GET1: variants seen among roughly 807,000 people sequenced by gnomAD.
GET1 encodes congenital heart disease 5 protein.
A neutral mutation model predicts 22.6 loss-of-function variants in GET1; 20 were observed. That is an observed-to-expected ratio of 0.89 (90% CI 0.62 to 1.29). The LOEUF is 1.29. GET1 is among the 50% of genes most tolerant of loss of function. The pLI is 0.00. For missense variants in GET1, 209 were observed against 219.9 expected, an observed-to-expected ratio of 0.95 and a Z score of 0.31; for synonymous variants, 92 against 83.8, an observed-to-expected ratio of 1.10 and a Z score of -0.53.
At chr21:39,386,956 C>T (rs1274535824) in intron 1 of GET1, among the ~76,000 whole-genome samples, 2 of 152,048 alleles carry the variant, frequency 1.3e-5, no homozygotes, top group Admixed American at 6.6e-5. Flanking sequence ...GTGATCCCTC[C>T]CTCCCCGCCT....
At chr21:39,399,817 A>C (rs184615340), downstream of GET1, among the ~76,000 whole-genome samples, 47 of 152,304 alleles carry the variant, frequency 3.1e-4, no homozygotes, top group African/African-American at 1.1e-3. Flanking sequence ...GATTTAAAAT[A>C]CATCTAAAGC....
intron 1 of GET1, among the ~76,000 whole-genome samples, chr21:39,381,195 GA>G (rs766641767): frequency 6.6e-6 from 1 of 152,128 alleles, no homozygotes; most frequent in Non-Finnish European, 1.5e-5. Context: ...CAGGGATAGG[GA>G]TTTGGTGGCA....
rs1406664742 is a variant in GET1, at chr21:39,414,738, CTCTCTGTGTG to C, written c.*23+3803_*23+3812del. Reference sequence around the variant, plus strand: ...CCTCTCTCTCTCTCTCTCTCTCTCTCTCTCTGTGTGTGTGTGTGTGTGTGTGTGTGTGTGT... The same window carrying C: ...CCTCTCTCTCTCTCTCTCTCTCTCTCTGTGTGTGTGTGTGTGTGTGTGTGT... On this transcript the variant is annotated intron_variant, in intron 1 of 1. Coordinates refer to the GET1 transcript ENST00000478273. 2.0e-3 allele frequency among the ~76,000 whole-genome samples: 211 copies of C among 107,374 alleles called. 1 individual carries two copies. The highest frequency in any genetic ancestry group is 0.016 in the Middle Eastern group (3 of 192). The allele number at this position is 107,374 out of a possible 152,430, so 70.4% of individuals were successfully genotyped here.
chr21:39,404,982 C>T (rs2038966649), intron 4 of GET1, among the ~76,000 whole-genome samples: 4 of 151,736 alleles, frequency 2.6e-5, no homozygotes, highest in African/African-American at 9.7e-5. Context: ...CAGGCATGTG[C>T]CACCACACCC....
At chr21:39,402,593 A>G (rs1227732262), downstream of GET1, among the ~76,000 whole-genome samples, 1 of 152,156 alleles carries the variant, frequency 6.6e-6, no homozygotes, top group Non-Finnish European at 1.5e-5. Context: ...TTGCTTACTT[A>G]TCTCCTTGGG....
At chr21:39,403,055 ATCC>A (rs1475482324) in intron 4 of GET1, among the ~76,000 whole-genome samples, 3 of 152,164 alleles carry the variant, frequency 2.0e-5, no homozygotes, top group Admixed American at 2.0e-4. Flanking sequence ...CCCTTGGAAA[ATCC>A]TCTGTCTGCT....
At chr21:39,417,501 G>A (rs1170451511) in intron 1 of GET1, among the ~76,000 whole-genome samples, 1 of 152,012 alleles carries the variant, frequency 6.6e-6, no homozygotes. Flanking sequence ...TTTAAATGTA[G>A]GCAAATAGAT....
intron 1 of GET1, chr21:39,420,862 A>G (rs757178754): frequency 6.3e-7 from 1 of 1,578,258 alleles, no homozygotes; most frequent in Non-Finnish European, 8.7e-7. Context: ...AGTATATATT[A>G]TAACTATTCT....
chr21:39,392,583 G>A (rs2038376464), intron 3 of GET1, among the ~76,000 whole-genome samples: 1 of 152,184 alleles, frequency 6.6e-6, no homozygotes, highest in South Asian at 2.1e-4. Flanking sequence ...GCCTGTTCAA[G>A]CCAGGAAGGG....
intron 1 of GET1, chr21:39,411,733 CTG>C: frequency 1.3e-6 from 2 of 1,534,814 alleles, no homozygotes; most frequent in Non-Finnish European, 1.8e-6. Context: ...GGATAGTCCT[CTG>C]TGTCATGTAA....
intron 4 of GET1, among the ~76,000 whole-genome samples, chr21:39,405,600 TC>T (rs2147046012): frequency 6.6e-6 from 1 of 152,078 alleles, no homozygotes; most frequent in East Asian, 1.9e-4. Context: ...AGCTATGGAG[TC>T]CCACAGAATA....
intron 1 of GET1, among the ~76,000 whole-genome samples, chr21:39,420,068 G>T (rs548423799): frequency 1.3e-5 from 2 of 152,120 alleles, no homozygotes; most frequent in Non-Finnish European, 2.9e-5. Context: ...TTAACGTGAT[G>T]AAATAGGAAT....
At chr21:39,392,720 T>C (rs1206143854) in intron 3 of GET1, among the ~76,000 whole-genome samples, 1 of 152,198 alleles carries the variant, frequency 6.6e-6, no homozygotes, top group African/African-American at 2.4e-5. Flanking sequence ...GAGAATTCAC[T>C]ATTTTTTCCA....
chr21:39,405,416 A>G (rs2038990025), intron 4 of GET1, among the ~76,000 whole-genome samples: 1 of 152,022 alleles, frequency 6.6e-6, no homozygotes, highest in South Asian at 2.1e-4. Context: ...CTGGTCTTAA[A>G]CTCCTGGACT....
At position 39,390,682 on chromosome 21, in the gene GET1, T is replaced by C; in HGVS notation, c.103-16T>C. On this transcript the variant is annotated splice_polypyrimidine_tract_variant and intron_variant, in intron 1 of 4. Coordinates refer to ENST00000649170, the MANE Select transcript of GET1 (RefSeq NM_004627.6). ...CCGTGTTGGAAGGTGCTGATCCCCG[T>C]TGTCCGCCCTGCCAGATGTCCAGGG... is the stretch of plus-strand genomic sequence containing the variant. The C allele has an allele frequency of 6.2e-6, 10 of 1,613,818 alleles. No homozygotes were observed. The highest frequency in any genetic ancestry group is 8.5e-6 in the Non-Finnish European group (10 of 1,179,874).
intron 1 of GET1, among the ~76,000 whole-genome samples, chr21:39,418,161 C>T (rs1025274495): frequency 1.3e-5 from 2 of 152,162 alleles, no homozygotes; most frequent in Admixed American, 6.5e-5. Context: ...ATCTAATTAC[C>T]TCCCACTGGG....
At chr21:39,422,982 T>C in intron 1 of GET1, 1 of 1,613,338 alleles carries the variant, frequency 6.2e-7, no homozygotes, top group Non-Finnish European at 8.5e-7. Flanking sequence ...AGACCTGTAT[T>C]TTTTTGTCAT....
At chr21:39,403,005 A>C (rs1350302468) in intron 4 of GET1, among the ~76,000 whole-genome samples, 1 of 152,202 alleles carries the variant, frequency 6.6e-6, no homozygotes, top group Non-Finnish European at 1.5e-5. Flanking sequence ...ATTTAATATC[A>C]CGATGTGTGC....
intron 1 of GET1, chr21:39,427,914 A>C (rs2075046307): frequency 4.1e-6 from 1 of 242,418 alleles, no homozygotes; most frequent in Non-Finnish European, 7.9e-6. Flanking sequence ...AACTAAAAAC[A>C]GAACTAACCT....
Sources: gnomAD v4.1 joint callset for allele counts (sites outside exome capture counted in the v4.1 genomes callset) on GRCh38, gnomAD v4.1.1 for gene constraint, MANE v1.5 for transcripts, NCBI Gene and HGNC (gene_info 2026-07-23, HGNC 2026-07-21) for gene names.